Variants in IQANK1 observed in about 807,000 individuals in gnomAD.
IQANK1 encodes IQ motif and ankyrin repeat containing 1, also known as IQ motif and ankyrin repeat domain-containing protein 1.
IQANK1 carries 30 observed loss-of-function variants against 22.6 expected under a neutral mutation model. That is an observed-to-expected ratio of 1.33 (90% CI 0.99 to 1.80). The LOEUF (loss-of-function observed/expected upper bound fraction) is 1.80. Ranked by LOEUF, IQANK1 falls within the 40% of genes most tolerant of loss-of-function variation. The pLI is 0.00. For missense variants in IQANK1, 275 were observed against 235.2 expected, an observed-to-expected ratio of 1.17 and a Z score of -1.11; for synonymous variants, 122 against 99.6, an observed-to-expected ratio of 1.23 and a Z score of -1.34.
rs1337019837 is a variant in IQANK1 at position 143,762,186 on chromosome 8, CTG to C, written c.176-9300_176-9299del. Among the ~76,000 whole-genome samples the C allele has an allele frequency of 3.9e-5, 6 of 152,080 alleles. No individual in the cohort carries two copies. The East Asian group carries it at 1.2e-3, about 29-fold the overall frequency. On this transcript the variant is annotated intron_variant, in intron 3 of 13. Transcript: ENST00000527139. ...ATATACCAGGCGTGGTGGCAAGCACCTGTAATCCCAGCTACTCGGGAGGCTGA... is the reference window on the plus strand; with the variant it reads ...ATATACCAGGCGTGGTGGCAAGCACCTAATCCCAGCTACTCGGGAGGCTGA...
intron 7 of IQANK1, among the ~76,000 whole-genome samples, chr8:143,784,925 CTTTTG>C (rs1278680065): frequency 2.0e-5 from 3 of 152,138 alleles, no homozygotes; most frequent in African/African-American, 4.8e-5. Context: ...ATTTTCCATC[CTTTTG>C]TTTTGAGTTT....
chr8:143,738,070 G>A (rs990743708), intron 2 of IQANK1, among the ~76,000 whole-genome samples: 2 of 152,128 alleles, frequency 1.3e-5, no homozygotes, highest in Non-Finnish European at 2.9e-5. Flanking sequence ...GTGCTGGCTC[G>A]ATGCTGGTCA....
rs1362194229 is a variant in IQANK1 at position 143,735,293 on chromosome 8, C to A, written c.-4-557C>A. Reference sequence around the variant, plus strand: ...CCAGGGAAATGAACTTGGGGGTCAGCTGTGTGGACTAGGGAGAGGGGTGTT... The same window carrying A: ...CCAGGGAAATGAACTTGGGGGTCAGATGTGTGGACTAGGGAGAGGGGTGTT... On this transcript the variant is annotated intron_variant, in intron 1 of 13. Transcript: ENST00000527139. The surrounding 1 kb of genome is among the most constrained non-coding windows in gnomAD (Gnocchi z 5.2). Among the ~76,000 whole-genome samples the A allele has an allele frequency of 6.6e-6, 1 of 152,088 alleles. No homozygotes were observed. The highest frequency in any genetic ancestry group is 1.5e-5 in the Non-Finnish European group (1 of 68,022).
chr8:143,790,181 T>TGC lies in IQANK1; in HGVS notation c.1337_1338dup (p.Tyr447AlafsTer11). The TGC allele has an allele frequency of 8.1e-7, 1 of 1,232,106 alleles. No homozygotes were observed. The highest frequency in any genetic ancestry group is 1.0e-6 in the Non-Finnish European group (1 of 988,016). The allele number at this position is 1,232,106 out of a possible 1,614,324, so 76.3% of individuals were successfully genotyped here. ...CCTTTGGGCCAGGCGGCCACCTTCC[T>TGC]GCGCTACCAGGATACCAACTATGTG... On this transcript the variant is annotated frameshift_variant, in exon 13 of 14. Coordinates refer to ENST00000527139, the MANE Select transcript of IQANK1 (RefSeq NM_001381874.1). LOFTEE classifies it high-confidence loss of function.
At chr8:143,748,283 C>A (rs1479118980) in intron 3 of IQANK1, among the ~76,000 whole-genome samples, 1 of 151,636 alleles carries the variant, frequency 6.6e-6, no homozygotes, top group East Asian at 1.9e-4. Context: ...GTGTGAGCCA[C>A]CATGCCCAGC....
In IQANK1 at chr8:143,789,054, G is replaced by A. The variant is rs561923991; in HGVS notation, c.929G>A (p.Arg310Gln). 8 of 400,734 alleles carry A rather than the reference G, an allele frequency of 2.0e-5. No individual in the cohort carries two copies. Among genetic ancestry groups the A allele is most frequent in the East Asian group, 1.1e-4 (3 of 28,088 alleles). The allele number at this position is 400,734 out of a possible 1,614,324, so 24.8% of individuals were successfully genotyped here. Residue 310 changes from arginine (R) to glutamine (Q), a missense_variant, in exon 8 of 14, where the codon CGG becomes CAG. Physicochemically the swap from Arg to Gln is conservative, Grantham distance 43. Transcript: ENST00000527139. ...AGGCACAAGGAGGCCGAGGCTGAGC[G>A]GTGTGGAAGGCAGGAGGGGTGTGGG... The part of the protein sequence containing the change: ...AQRHKEAEAE[R>Q]CGSMTLKVQQ...
At chr8:143,777,180 A>G (rs1016828601) in intron 7 of IQANK1, among the ~76,000 whole-genome samples, 2 of 151,826 alleles carry the variant, frequency 1.3e-5, no homozygotes, top group African/African-American at 4.8e-5. Context: ...ATACATATAT[A>G]TGCACATACA....
At chr8:143,741,338 C>G (rs181540578) in intron 3 of IQANK1, among the ~76,000 whole-genome samples, 1 of 152,166 alleles carries the variant, frequency 6.6e-6, no homozygotes, top group South Asian at 2.1e-4. Flanking sequence ...GGCCACAGAG[C>G]CAGGAGCTGC....
At chr8:143,762,242 G>T (rs1554628921) in intron 3 of IQANK1, among the ~76,000 whole-genome samples, 1 of 151,168 alleles carries the variant, frequency 6.6e-6, no homozygotes, top group Non-Finnish European at 1.5e-5. Context: ...CCAGAAGGCA[G>T]TGGTTGCAGT....
chr8:143,738,155 C>T (rs988939271), intron 2 of IQANK1, among the ~76,000 whole-genome samples: 4 of 152,168 alleles, frequency 2.6e-5, no homozygotes, highest in African/African-American at 4.8e-5. Context: ...GACCTCAGGG[C>T]CCTGCTGCCC....
intron 7 of IQANK1, among the ~76,000 whole-genome samples, chr8:143,782,051 A>T (rs1375904810): frequency 1.3e-5 from 2 of 151,996 alleles, no homozygotes; most frequent in Admixed American, 6.6e-5. Context: ...CTGTATTCCT[A>T]GGTATTTTAT....
At chr8:143,738,057 G>A (rs1818791054) in intron 2 of IQANK1, among the ~76,000 whole-genome samples, 1 of 152,170 alleles carries the variant, frequency 6.6e-6, no homozygotes, top group Non-Finnish European at 1.5e-5. Flanking sequence ...GGGTGTCCCT[G>A]AGGTGCTGGC....
At chr8:143,751,662 G>GTATATATATATATATATA (rs1187068578) in intron 3 of IQANK1, among the ~76,000 whole-genome samples, 1,658 of 54,104 alleles carry the variant, frequency 0.031, 57 homozygotes, top group Non-Finnish European at 0.051. Context: ...GTGTGTGTGT[G>GTATATATATATATATATA]TGTATATATA....
rs1268140215 is a variant in IQANK1 at position 143,735,759 on chromosome 8, C to A, written c.-4-91C>A. ...GTTCCTGCTGTCATCCACTCAGGCGCCCATGGTGTGCCCTGTTCCCCACTG... is the reference window on the plus strand; with the variant it reads ...GTTCCTGCTGTCATCCACTCAGGCGACCATGGTGTGCCCTGTTCCCCACTG... On this transcript the variant is annotated intron_variant, in intron 1 of 13. Transcript: ENST00000527139. This position sits in a 1 kb window ranked among gnomAD's most constrained non-coding sequence, Gnocchi z 5.2. 1.5e-6 allele frequency: 1 copy of A among 675,222 alleles called. No individual in the cohort carries two copies. Among genetic ancestry groups the A allele is most frequent in the African/African-American group, 1.8e-5 (1 of 56,744 alleles). 41.8% of individuals were successfully genotyped at this position (675,222 alleles called of 1,614,324 possible).
chr8:143,741,268 C>T (rs551465322), intron 3 of IQANK1, among the ~76,000 whole-genome samples: 6 of 152,336 alleles, frequency 3.9e-5, no homozygotes, highest in African/African-American at 7.2e-5. Context: ...AGCCGCTCTG[C>T]GGGGTGTGGG....
chr8:143,739,967 C>T lies in IQANK1; in HGVS notation c.175+19C>T, dbSNP rs1554626242. On this transcript the variant is annotated intron_variant, in intron 3 of 13. Coordinates refer to ENST00000527139, the MANE Select transcript of IQANK1 (RefSeq NM_001381874.1). ...CCCACAGGTGAGAGCCCGCACGTCCCGCGCCGCTGTGGGTGACCGGGTGAG... is the reference window on the plus strand; with the variant it reads ...CCCACAGGTGAGAGCCCGCACGTCCTGCGCCGCTGTGGGTGACCGGGTGAG... 3 of 682,828 alleles carry T rather than the reference C, an allele frequency of 4.4e-6. No homozygotes were observed. Among genetic ancestry groups the T allele is most frequent in the Admixed American group, 2.1e-5 (1 of 48,112 alleles). 42.3% of individuals were successfully genotyped at this position (682,828 alleles called of 1,614,324 possible). A position where few individuals can be genotyped will look rare whatever the true frequency, so the allele number is the denominator to read the frequency against.
In IQANK1 at chr8:143,771,966, G is replaced by A. The variant is rs1404204434; in HGVS notation, c.471+1G>A. On this transcript the variant is annotated splice_donor_variant, in intron 5 of 13. Coordinates refer to ENST00000527139, the MANE Select transcript of IQANK1 (RefSeq NM_001381874.1). LOFTEE classifies it high-confidence loss of function. This position sits in a 1 kb window ranked among gnomAD's most constrained non-coding sequence, Gnocchi z 6.0. ...CGAGATCCGGGCGGTGCTGAAGGAG[G>A]TCAGCGGGGGCGGGAGGAGGACGAG... The A allele has an allele frequency of 4.1e-4, 59 of 143,098 alleles. No individual in the cohort carries two copies. The highest frequency in any genetic ancestry group is 3.0e-3 in the Middle Eastern group (1 of 336). The allele number at this position is 143,098 out of a possible 1,614,324, so 8.9% of individuals were successfully genotyped here.
rs1554625240 is a variant in IQANK1 at position 143,734,194 on chromosome 8, C to T, written c.-30C>T. 1.3e-5 allele frequency: 2 copies of T among 152,138 alleles called. No individual in the cohort carries two copies. Among genetic ancestry groups the T allele is most frequent in the Non-Finnish European group, 2.9e-5 (2 of 68,018 alleles). The allele number at this position is 152,138 out of a possible 1,614,324, so 9.4% of individuals were successfully genotyped here. A position where few individuals can be genotyped will look rare whatever the true frequency, so the allele number is the denominator to read the frequency against. On this transcript the variant is annotated 5_prime_UTR_variant, in exon 1 of 14. Coordinates refer to ENST00000527139, the MANE Select transcript of IQANK1 (RefSeq NM_001381874.1). Reference sequence around the variant, plus strand: ...AGGGGCGGAGCTCTGGCCTCCTCGCCGAGTTGGGGGAGGCAGGTGCGACAG... The same window carrying T: ...AGGGGCGGAGCTCTGGCCTCCTCGCTGAGTTGGGGGAGGCAGGTGCGACAG...
At chr8:143,787,030 C>T (rs1015757411) in intron 7 of IQANK1, among the ~76,000 whole-genome samples, 3 of 152,160 alleles carry the variant, frequency 2.0e-5, no homozygotes, top group Non-Finnish European at 4.4e-5. Context: ...GAGGGCTTGA[C>T]GCCTAGGGGA....
Sources: allele counts gnomAD v4.1 joint callset (sites outside exome capture counted in the v4.1 genomes callset), GRCh38; gene constraint gnomAD v4.1.1; non-coding constraint Gnocchi (gnomAD v3.1); transcripts MANE v1.5; gene names NCBI Gene and HGNC (gene_info 2026-07-23, HGNC 2026-07-21).